The following ADGRG4 variants were observed in gnomAD, a reference collection of about 807,000 sequenced individuals.
The protein encoded by ADGRG4 is G protein-coupled receptor 112.
Under a neutral mutation model 126.2 loss-of-function variants are expected in ADGRG4, and 122 were observed. The ratio of observed to expected loss-of-function variants is 0.97; its 90% CI spans 0.83 to 1.12. The LOEUF (loss-of-function observed/expected upper bound fraction) is 1.12, where lower values mean the gene tolerates loss of function less well. ADGRG4 is among the 50% of genes most tolerant of loss of function. The pLI, the probability that ADGRG4 is intolerant of heterozygous loss-of-function variation, is 0.00. For missense variants in ADGRG4, 2,481 were observed against 2,251.8 expected, an observed-to-expected ratio of 1.10 and a Z score of -2.06; for synonymous variants, 943 against 838.7, an observed-to-expected ratio of 1.12 and a Z score of -2.15.
In ADGRG4 at chrX:136,392,310, G is replaced by A. The variant is rs1322289227; in HGVS notation, c.7990G>A (p.Ala2664Thr). The change falls in exon 17 of 26, where the codon GCT becomes ACT. Residue 2664 changes from alanine (A) to threonine (T), a missense_variant. Coordinates refer to ENST00000394143, the MANE Select transcript of ADGRG4 (RefSeq NM_153834.4). ...ISDDMFIQNL[A>T]DPVVITLQHI... The stretch of plus-strand genomic sequence containing the variant: ...AGATGATATGTTCATTCAAAACTTA[G>A]CTGACCCAGTGGTTATCACTCTGCA... 4 of 1,188,243 alleles carry A rather than the reference G, an allele frequency of 3.4e-6. No homozygotes were observed. Among genetic ancestry groups the A allele is most frequent in the Non-Finnish European group, 4.5e-6 (4 of 879,805 alleles).
rs749527832 is a variant in ADGRG4, at chrX:136,349,669, T to C, written c.5963T>C (p.Leu1988Pro). 1.7e-6 allele frequency: 2 copies of C among 1,210,512 alleles called. No homozygotes were observed. The highest frequency in any genetic ancestry group is 2.2e-6 in the Non-Finnish European group (2 of 894,884). ...MTTSVTPGTT[L>P]PSILSGATSG... is the part of the protein sequence containing the mutation. ...ACATCTGTAACTCCTGGGACCACAC[T>C]CCCATCAATTCTTTCTGGTGCCACT... is the stretch of plus-strand genomic sequence containing the variant. The change falls in exon 6 of 26, where the codon CTC (leucine) becomes CCC (proline). Residue 1988 changes from leucine (L) to proline (P), a missense_variant. By Grantham distance (98) the Leu-to-Pro change is moderately conservative (BLOSUM62 -3). Transcript: ENST00000394143.
At chrX:136,332,785 T>C (rs1301324482) in intron 5 of ADGRG4, among the ~76,000 whole-genome samples, 1 of 107,040 alleles carries the variant, frequency 9.3e-6, no homozygotes, top group East Asian at 3.0e-4. Flanking sequence ...CATGTGTTTT[T>C]TGGCTGCATA....
intron 5 of ADGRG4, among the ~76,000 whole-genome samples, chrX:136,328,871 C>G (rs185770083): frequency 7.2e-5 from 8 of 111,286 alleles, no homozygotes; most frequent in Non-Finnish European, 1.5e-4. Context: ...CCTTCCTCAT[C>G]ACGAAAAGTA....
At chrX:136,358,734 C>T (rs981288444) in intron 10 of ADGRG4, among the ~76,000 whole-genome samples, 1 of 111,800 alleles carries the variant, frequency 8.9e-6, no homozygotes, top group Non-Finnish European at 1.9e-5. Flanking sequence ...AATAGCATTA[C>T]CTCATACGGT....
intron 19 of ADGRG4, among the ~76,000 whole-genome samples, chrX:136,396,761 A>G (rs1356718386): frequency 9.4e-6 from 1 of 106,684 alleles, no homozygotes; most frequent in African/African-American, 3.4e-5. Flanking sequence ...CAATCTTGGC[A>G]CTATAGATAT....
rs756213031 is a variant in ADGRG4, at chrX:136,347,599, A to G, written c.3893A>G (p.Asp1298Gly). Reference protein sequence around the residue: ...SRGTPSLEMTDTGFPETTKIS... With the variant: ...SRGTPSLEMTGTGFPETTKIS... ...GGTACTCCATCTTTGGAAATGACAG[A>G]TACAGGATTTCCTGAGACCACAAAA... Residue 1298 changes from aspartate (D) to glycine (G), a missense_variant, in exon 6 of 26, where the codon GAT (aspartate) becomes GGT (glycine). Coordinates refer to ENST00000394143, the MANE Select transcript of ADGRG4 (RefSeq NM_153834.4). 2 of 1,209,090 alleles carry G rather than the reference A, an allele frequency of 1.7e-6. No individual in the cohort carries two copies. The highest frequency in any genetic ancestry group is 2.2e-6 in the Non-Finnish European group (2 of 893,713).
chrX:136,414,470 T>C (rs1453264332), intron 25 of ADGRG4, 143 bp downstream of exon 25: 4 of 487,738 alleles, frequency 8.2e-6, no homozygotes, highest in Non-Finnish European at 1.4e-5. Context: ...CATTCTTGGC[T>C]GAGAAAGTGT....
At chrX:136,310,324 T>A (rs1004605166) in intron 4 of ADGRG4, among the ~76,000 whole-genome samples, 1 of 110,104 alleles carries the variant, frequency 9.1e-6, no homozygotes, top group Admixed American at 9.8e-5. Flanking sequence ...ATTTTTATAA[T>A]GGTCAGTGAA....
At position 136,345,261 on chromosome X, in the gene ADGRG4, G is replaced by A. The variant is rs377371257; in HGVS notation, c.1555G>A (p.Ala519Thr). The change falls in exon 6 of 26, where the codon GCC becomes ACC. Residue 519 changes from alanine (A) to threonine (T), a missense_variant. By Grantham distance (58) the Ala-to-Thr change is moderately conservative. Coordinates refer to ENST00000394143, the MANE Select transcript of ADGRG4 (RefSeq NM_153834.4). ...LPTRLIETTP[A>T]PRTAETELTS... The stretch of plus-strand genomic sequence containing the variant: ...AACTAGGCTTATTGAGACCACACCT[G>A]CCCCAAGGACAGCTGAAACAGAATT... 136 of 1,209,435 alleles carry A rather than the reference G, an allele frequency of 1.1e-4. 1 individual carries two copies. Among genetic ancestry groups the A allele is most frequent in the Non-Finnish European group, 1.1e-5 (10 of 894,785 alleles).
intron 7 of ADGRG4, among the ~76,000 whole-genome samples, chrX:136,352,555 A>C (rs779768638): frequency 4.0e-4 from 45 of 111,812 alleles, no homozygotes; most frequent in Non-Finnish European, 7.2e-4. Flanking sequence ...ATTCCCTAGA[A>C]GTAAATTTTA....
In ADGRG4 at chrX:136,355,222, TACAC is replaced by T. The variant is rs10553631; in HGVS notation, c.6888-876_6888-873del. 1.9e-3 allele frequency among the ~76,000 whole-genome samples: 191 copies of T among 99,791 alleles called. 1 individual carries two copies. The highest frequency in any genetic ancestry group is 6.2e-3 in the South Asian group (13 of 2,083). The allele number at this position is 99,791 out of a possible 115,157, so 86.7% of individuals were successfully genotyped here. ...AGAACTGTGGATGAAAACATATGTG[TACAC>T]ACACACACACACACACACACACACA... On this transcript the variant is annotated intron_variant, in intron 8 of 25. Transcript: ENST00000394143.
intron 13 of ADGRG4, among the ~76,000 whole-genome samples, chrX:136,369,639 C>T (rs1398186793): frequency 8.9e-6 from 1 of 112,043 alleles, no homozygotes; most frequent in Non-Finnish European, 1.9e-5. Context: ...AAAGTCTGAG[C>T]GATTTAATAA....
In ADGRG4 at chrX:136,345,322, G is replaced by T. The variant is rs750349952; in HGVS notation, c.1616G>T (p.Arg539Ile). 3.1e-5 allele frequency: 37 copies of T among 1,208,447 alleles called. No individual in the cohort carries two copies. The East Asian group carries it at 8.0e-4, about 26-fold the overall frequency. The change falls in exon 6 of 26, where the codon AGA becomes ATA. Residue 539 changes from arginine (R) to isoleucine (I), a missense_variant. Transcript: ENST00000394143. ...STNFQDVSLPRVEDAMSTSMS... is the reference protein window; with the variant it reads ...STNFQDVSLPIVEDAMSTSMS... ...AATTTTCAGGATGTCTCTTTACCCA[G>T]AGTGGAAGATGCCATGTCTACTTCC...
chrX:136,340,208 G>T (rs2074971503), intron 5 of ADGRG4, among the ~76,000 whole-genome samples: 1 of 111,621 alleles, frequency 9.0e-6, no homozygotes, highest in Admixed American at 9.5e-5. Flanking sequence ...TTTATATTCA[G>T]TATCAGCCTA....
In ADGRG4 at chrX:136,405,860, C is replaced by T. The variant is rs139741225; in HGVS notation, c.8823C>T (p.Gly2941=). 8.3e-7 allele frequency: 1 copy of T among 1,207,237 alleles called. No homozygotes were observed. The highest frequency in any genetic ancestry group is 3.0e-5 in the East Asian group (1 of 33,774). ...RRKMILHDLK[G]TMSLTFLLGL... is the part of the protein sequence containing the mutation. The stretch of plus-strand genomic sequence containing the variant: ...AGATGATCCTGCATGACCTCAAAGG[C>T]ACAATGAGCCTGACATTCTTACTTG... The change falls in exon 23 of 26, where the codon GGC becomes GGT. Residue 2941 remains glycine, a synonymous_variant. Coordinates refer to ENST00000394143, the MANE Select transcript of ADGRG4 (RefSeq NM_153834.4).
intron 24 of ADGRG4, among the ~76,000 whole-genome samples, chrX:136,413,669 G>A (rs1304919270): frequency 9.0e-6 from 1 of 111,211 alleles, no homozygotes; most frequent in Non-Finnish European, 1.9e-5. Context: ...CAACTTCATA[G>A]AAAAGCTGAC....
intron 9 of ADGRG4, among the ~76,000 whole-genome samples, chrX:136,357,091 G>C (rs762376139): frequency 8.9e-6 from 1 of 112,333 alleles, no homozygotes; most frequent in Non-Finnish European, 1.9e-5. Context: ...AGCTGAGTCA[G>C]AAATTTTGAT....
intron 4 of ADGRG4, among the ~76,000 whole-genome samples, chrX:136,309,954 T>G (rs1266461832): frequency 9.0e-6 from 1 of 111,113 alleles, no homozygotes; most frequent in Non-Finnish European, 1.9e-5. Flanking sequence ...AACATCTGTA[T>G]GGTGGTGGGG....
At chrX:136,332,019 T>C (rs1042168494) in intron 5 of ADGRG4, among the ~76,000 whole-genome samples, 1 of 109,345 alleles carries the variant, frequency 9.1e-6, no homozygotes, top group African/African-American at 3.3e-5. Flanking sequence ...ATTTTTTTTA[T>C]TATACTTTAA....
Sources: allele counts gnomAD v4.1 joint callset (sites outside exome capture counted in the v4.1 genomes callset), GRCh38; gene constraint gnomAD v4.1.1; transcripts MANE v1.5; gene names NCBI Gene and HGNC (gene_info 2026-07-23, HGNC 2026-07-21).